Variants in ELN observed in about 807,000 individuals in gnomAD.
ELN encodes the protein tropoelastin.
A neutral mutation model predicts 105.8 loss-of-function variants in ELN; 65 were observed. That is an observed-to-expected ratio of 0.61 (90% CI 0.50 to 0.75). The LOEUF (loss-of-function observed/expected upper bound fraction) is 0.75. Ranked by LOEUF, ELN falls within the 30% of genes least tolerant of loss-of-function variation. ELN has a pLI of 0.00. For synonymous variants in ELN, 368 were observed against 389.2 expected (o/e 0.95, Z 0.64); for missense variants, 882 against 969.4 (o/e 0.91, Z 1.20).
In ELN at chr7:74,043,890, C is replaced by A; in HGVS notation, c.439C>A (p.Pro147Thr). 1 of 1,614,012 alleles carries A rather than the reference C, an allele frequency of 6.2e-7. No homozygotes were observed. The highest frequency in any genetic ancestry group is 8.5e-7 in the Non-Finnish European group (1 of 1,179,982). Residue 147 changes from proline to threonine, a missense_variant, in exon 9 of 33, where the codon CCA becomes ACA. By Grantham distance (38) the Pro-to-Thr change is conservative (BLOSUM62 -1). Transcript: ENST00000252034. Reference protein sequence around the residue: ...KPGKVPGVGLPGVYPGGVLPG... With the variant: ...KPGKVPGVGLTGVYPGGVLPG... ...TCTTTTGGCCACAGGTGTGGGGCTG[C>A]CAGGTGTATACCCAGGTGGCGTGCT...
At chr7:74,033,718 G>A (rs996431216) in intron 1 of ELN, among the ~76,000 whole-genome samples, 3 of 152,228 alleles carry the variant, frequency 2.0e-5, no homozygotes, top group Non-Finnish European at 2.9e-5. Context: ...GCTGTGCAGC[G>A]TCGCCAGGCC....
chr7:74,063,551 C>T lies in ELN; in HGVS notation c.1919-70C>T. The T allele has an allele frequency of 1.2e-6, 2 of 1,612,650 alleles. No individual in the cohort carries two copies. The highest frequency in any genetic ancestry group is 1.7e-6 in the Non-Finnish European group (2 of 1,179,052). ...CCTGTGTCCCCAGAGGACACCTCCGCCCTCCACAGGCCGAGGCTTCAGTCC... is the reference window on the plus strand; with the variant it reads ...CCTGTGTCCCCAGAGGACACCTCCGTCCTCCACAGGCCGAGGCTTCAGTCC... On this transcript the variant is annotated intron_variant, in intron 28 of 32. Transcript: ENST00000252034. This position sits in a 1 kb window ranked among gnomAD's most constrained non-coding sequence, Gnocchi z 4.1.
At chr7:74,060,316 G>A (rs782191341) in intron 24 of ELN, 60 bp from the exon 25 acceptor site, 26 of 1,614,070 alleles carry the variant, frequency 1.6e-5, no homozygotes, top group Non-Finnish European at 2.2e-5. Flanking sequence ...CCCTGGGCAG[G>A]ACACCTCCTT....
intron 15 of ELN, 72 bp downstream of exon 15, chr7:74,048,628 G>A (rs1218681975): frequency 1.9e-6 from 3 of 1,590,950 alleles, no homozygotes; most frequent in Non-Finnish European, 2.6e-6. Context: ...ACTATTGACA[G>A]CCTGCCTCCA....
In ELN at chr7:74,061,150, C is replaced by T; in HGVS notation, c.1786+11C>T. On this transcript the variant is annotated intron_variant, in intron 26 of 32. Coordinates refer to ENST00000252034, the MANE Select transcript of ELN (RefSeq NM_000501.4). ...AAGCAGCCAAATATGGTGAGTGCAC[C>T]CCACAACCACTTGTGGCTCCCTTGC... 1 of 1,614,074 alleles carries T rather than the reference C, an allele frequency of 6.2e-7. No homozygotes were observed. The highest frequency in any genetic ancestry group is 8.5e-7 in the Non-Finnish European group (1 of 1,180,030).
Position 74,042,038 on chromosome 7 carries a change from C to G in ELN, c.233-576C>G, listed in dbSNP as rs112375055. On this transcript the variant is annotated intron_variant, in intron 5 of 32. Coordinates refer to ENST00000252034, the MANE Select transcript of ELN (RefSeq NM_000501.4). Reference sequence around the variant, plus strand: ...GACAGGCTCAAGCCACCGTGCCCAGCCACAAGACCCCATCTCTAAAGGGAA... The same window carrying G: ...GACAGGCTCAAGCCACCGTGCCCAGGCACAAGACCCCATCTCTAAAGGGAA... 3.2e-3 allele frequency among the ~76,000 whole-genome samples: 490 copies of G among 151,366 alleles called. 2 individuals carry two copies. The highest frequency in any genetic ancestry group is 5.7e-3 in the Non-Finnish European group (384 of 67,816).
At chr7:74,038,108 C>A (rs1790401384) in intron 4 of ELN, 1 of 351,472 alleles carries the variant, frequency 2.8e-6, no homozygotes, top group South Asian at 2.4e-5. Flanking sequence ...CCTTACATGA[C>A]CCTCGGGAGC....
Position 74,028,229 on chromosome 7 carries a change from C to G in ELN, c.42C>G (p.Leu14=). ...LTAAAPRPGV[L]LLLLSILHPS... is the part of the protein sequence containing the mutation. Reference sequence around the variant, plus strand: ...CGGCGGCCCCGCGGCCCGGAGTCCTCCTGCTCCTGCTGTCCATCCTCCACC... The same window carrying G: ...CGGCGGCCCCGCGGCCCGGAGTCCTGCTGCTCCTGCTGTCCATCCTCCACC... Residue 14 remains leucine (L), a synonymous_variant, in exon 1 of 33, where the codon CTC becomes CTG. Coordinates refer to ENST00000252034, the MANE Select transcript of ELN (RefSeq NM_000501.4). 1 of 1,610,968 alleles carries G rather than the reference C, an allele frequency of 6.2e-7. No homozygotes were observed.
At chr7:74,032,023 G>A (rs1788821789) in intron 1 of ELN, among the ~76,000 whole-genome samples, 1 of 152,094 alleles carries the variant, frequency 6.6e-6, no homozygotes, top group African/African-American at 2.4e-5. Flanking sequence ...AGGAAGCCCT[G>A]TCTGCAGTTA....
Position 74,046,185 on chromosome 7 carries a change from C to T in ELN, c.542-3C>T, listed in dbSNP as rs1554672007. On this transcript the variant is annotated splice_region_variant and splice_polypyrimidine_tract_variant and intron_variant, in intron 10 of 32. Transcript: ENST00000252034. The stretch of plus-strand genomic sequence containing the variant: ...CTGTAGTGACAGCTTTTTATCATTA[C>T]AGGTGTAGGTGGAGCTTTTGCTGGA... The T allele has an allele frequency of 6.2e-7, 1 of 1,614,256 alleles. No homozygotes were observed. The highest frequency in any genetic ancestry group is 8.5e-7 in the Non-Finnish European group (1 of 1,180,042).
chr7:74,050,609 T>G lies in ELN; in HGVS notation c.800-1141T>G, dbSNP rs550149512. On this transcript the variant is annotated intron_variant, in intron 15 of 32. Transcript: ENST00000252034. ...CCCATCCATCCATTCACCCATGCAT[T>G]CATTCATTCATTCATTCATTCATTC... 3.9e-5 allele frequency among the ~76,000 whole-genome samples: 5 copies of G among 129,214 alleles called. No individual in the cohort carries two copies. The East Asian group carries it at 1.1e-3, about 27-fold the overall frequency. 84.8% of individuals were successfully genotyped at this position (129,214 alleles called of 152,430 possible). A position where few individuals can be genotyped will look rare whatever the true frequency, so the allele number is the denominator to read the frequency against.
At chr7:74,055,921 G>A (rs1795127821) in intron 19 of ELN, among the ~76,000 whole-genome samples, 2 of 151,812 alleles carry the variant, frequency 1.3e-5, no homozygotes, top group South Asian at 4.2e-4. Context: ...CATATAACTG[G>A]GATTACAGGT....
intron 1 of ELN, among the ~76,000 whole-genome samples, chr7:74,030,915 G>A (rs1026262646): frequency 2.6e-5 from 4 of 152,186 alleles, no homozygotes; most frequent in Non-Finnish European, 2.9e-5. Context: ...CCGAGGCCCC[G>A]GCATGAGGGC....
chr7:74,059,667 G>C (rs1796152881), intron 22 of ELN: 1 of 627,602 alleles, frequency 1.6e-6, no homozygotes, highest in South Asian at 1.9e-5. Context: ...CTGGGCGATA[G>C]AGTGAGACTC....
chr7:74,067,274 CT>C (rs111440415), intron 32 of ELN, among the ~76,000 whole-genome samples: 30,516 of 147,148 alleles, frequency 0.21, 4,597 homozygotes, highest in African/African-American at 0.44. Flanking sequence ...CTATAGTCTT[CT>C]TTTTTTTTTT....
chr7:74,035,789 A>T (rs1157480427), intron 2 of ELN: 4 of 343,290 alleles, frequency 1.2e-5, no homozygotes, highest in Non-Finnish European at 1.7e-5. Flanking sequence ...TTAAAAAAAA[A>T]TTAGCTGGGC....
chr7:74,053,234 G>T lies in ELN; in HGVS notation c.1021G>T (p.Val341Phe), dbSNP rs190758549. Reference protein sequence around the residue: ...PGVVGVPGAGVPGVGVPGAGI... With the variant: ...PGVVGVPGAGFPGVGVPGAGI... ...AGTAGTTGGTGTCCCAGGAGCTGGC[G>T]TTCCAGGTGTTGGTGTCCCAGGAGC... The change falls in exon 18 of 33, where the codon GTT (valine) becomes TTT (phenylalanine). Residue 341 changes from valine (V) to phenylalanine (F), a missense_variant. Coordinates refer to ENST00000252034, the MANE Select transcript of ELN (RefSeq NM_000501.4). 10 of 1,614,072 alleles carry T rather than the reference G, an allele frequency of 6.2e-6. No individual in the cohort carries two copies. Among genetic ancestry groups the T allele is most frequent in the Non-Finnish European group, 7.6e-6 (9 of 1,180,000 alleles).
At chr7:74,066,601 A>T (rs2132697890) in intron 31 of ELN, 131 bp from the exon 32 acceptor site, 1 of 639,176 alleles carries the variant, frequency 1.6e-6, no homozygotes, top group East Asian at 3.2e-5. Context: ...ATAAAAAATT[A>T]TATAGTGGGG....
intron 15 of ELN, 105 bp from the exon 16 acceptor site, chr7:74,051,645 C>A: frequency 7.4e-7 from 1 of 1,345,624 alleles, no homozygotes. Context: ...GGCCCCATTC[C>A]TGGATAAGAT....
Sources: allele counts gnomAD v4.1 joint callset (sites outside exome capture counted in the v4.1 genomes callset), GRCh38; gene constraint gnomAD v4.1.1; non-coding constraint Gnocchi (gnomAD v3.1); transcripts MANE v1.5; gene names NCBI Gene and HGNC (gene_info 2026-07-23, HGNC 2026-07-21).